ALDOB: variants seen among roughly 807,000 people sequenced by gnomAD.
The protein encoded by ALDOB is fructose-bisphosphate aldolase B.
A neutral mutation model predicts 41.0 loss-of-function variants in ALDOB; 39 were observed. That is an observed-to-expected ratio of 0.95 (90% CI 0.74 to 1.24). ALDOB has a LOEUF of 1.24. Ranked by LOEUF, ALDOB falls within the 50% of genes most tolerant of loss-of-function variation. The probability of loss-of-function intolerance (pLI) is 0.00; values close to 1 mark genes in which losing one functional copy is unlikely to be tolerated. For missense variants in ALDOB, 530 were observed against 457.3 expected, an observed-to-expected ratio of 1.16 and a Z score of -1.45; for synonymous variants, 175 against 168.8, an observed-to-expected ratio of 1.04 and a Z score of -0.28.
chr9:101,421,919 T>G lies in ALDOB; in HGVS notation c.1000-15A>C, dbSNP rs780566660. On this transcript the variant is annotated splice_polypyrimidine_tract_variant and intron_variant, in intron 8 of 8. Coordinates refer to ENST00000647789, the MANE Select transcript of ALDOB (RefSeq NM_000035.4). ...TGGCAGTTAGCCTAGAAGACAAATA[T>G]GAGAGAGGAGACTGGTTAGAGTAAA... 4 of 1,609,580 alleles carry G rather than the reference T, an allele frequency of 2.5e-6. No homozygotes were observed. Among genetic ancestry groups the G allele is most frequent in the Non-Finnish European group, 3.4e-6 (4 of 1,176,580 alleles).
intron 1 of ALDOB, among the ~76,000 whole-genome samples, chr9:101,434,395 C>A (rs1234362027): frequency 1.3e-5 from 2 of 152,176 alleles, no homozygotes; most frequent in Middle Eastern, 6.3e-3. Context: ...GTTCTTTCTG[C>A]CTTCCTTGAA....
rs2118341906 is a variant in ALDOB at position 101,424,871 on chromosome 9, G to A, written c.971C>T (p.Thr324Ile). 6.2e-7 allele frequency: 1 copy of A among 1,613,524 alleles called. No individual in the cohort carries two copies. The highest frequency in any genetic ancestry group is 1.1e-5 in the South Asian group (1 of 91,044). Residue 324 changes from threonine (T) to isoleucine (I), a missense_variant, in exon 8 of 9, where the codon ACC becomes ATC. By Grantham distance (89) the Thr-to-Ile change is moderately conservative. Transcript: ENST00000647789. Reference protein sequence around the residue: ...WGGKAANKEATQEAFMKRAMA... With the variant: ...WGGKAANKEAIQEAFMKRAMA... ...GGCCCGCTTCATAAAAGCCTCCTGG[G>A]TTGCCTCCTTGTTTGCAGCCTTGCC... is the stretch of plus-strand genomic sequence containing the variant.
chr9:101,434,704 G>A (rs1294325190), intron 1 of ALDOB, among the ~76,000 whole-genome samples: 2 of 152,284 alleles, frequency 1.3e-5, no homozygotes, highest in East Asian at 1.9e-4. Context: ...TTTAACACAC[G>A]CGGAGCAGCC....
In ALDOB at chr9:101,430,000, C is replaced by A. The variant is rs184727997; in HGVS notation, c.113-34G>T. 5.1e-5 allele frequency: 81 copies of A among 1,578,550 alleles called. No individual in the cohort carries two copies. In the Middle Eastern group the frequency reaches 7.5e-4, roughly 15 times the overall value. ...GGAGGGCCAAGGGCAGCATAAGGAGCAAGCCAGGGCTTTCCTGTCACCCTT... is the reference window on the plus strand; with the variant it reads ...GGAGGGCCAAGGGCAGCATAAGGAGAAAGCCAGGGCTTTCCTGTCACCCTT... On this transcript the variant is annotated intron_variant, in intron 2 of 8. Transcript: ENST00000647789.
intron 4 of ALDOB, among the ~76,000 whole-genome samples, 190 bp from the exon 5 acceptor site, chr9:101,427,832 T>C (rs1242100799): frequency 6.6e-6 from 1 of 152,150 alleles, no homozygotes; most frequent in African/African-American, 2.4e-5. Context: ...AAATAGTGTT[T>C]TGACATACAT....
rs1311015483 is a variant in ALDOB at position 101,421,584 on chromosome 9, G to T, written c.*225C>A. 3.4e-6 allele frequency: 2 copies of T among 596,250 alleles called. No homozygotes were observed. Among genetic ancestry groups the T allele is most frequent in the Non-Finnish European group, 6.1e-6 (2 of 326,416 alleles). The allele number at this position is 596,250 out of a possible 1,614,324, so 36.9% of individuals were successfully genotyped here. ...TATTCTGGAGCATGGGGAGCTGAAA[G>T]TGTTGCAAGGAAACTGCTGTGTGAA... On this transcript the variant is annotated 3_prime_UTR_variant, in exon 9 of 9. Coordinates refer to ENST00000647789, the MANE Select transcript of ALDOB (RefSeq NM_000035.4).
chr9:101,425,066 C>T (rs1241587681), intron 7 of ALDOB, 24 bp from the exon 8 acceptor site: 2 of 1,612,726 alleles, frequency 1.2e-6, no homozygotes, highest in African/African-American at 1.3e-5. Flanking sequence ...AGCCATTTCA[C>T]TCTATTAGTC....
intron 8 of ALDOB, 96 bp downstream of exon 8, chr9:101,424,747 C>A (rs1831096929): frequency 1.4e-6 from 2 of 1,440,760 alleles, no homozygotes; most frequent in Non-Finnish European, 2.0e-6. Context: ...TCGGTAGATA[C>A]CTTCTTGGCC....
At chr9:101,426,730 T>C (rs772856934) in intron 5 of ALDOB, 92 bp from the exon 6 acceptor site, 3 of 814,874 alleles carry the variant, frequency 3.7e-6, no homozygotes, top group Non-Finnish European at 6.5e-6. Context: ...TTGGTATAAA[T>C]TGAAGCCATT....
chr9:101,428,484 CTTTG>C lies in ALDOB; in HGVS notation c.360_363del (p.Asn120LysfsTer32), dbSNP rs387906225. On this transcript the variant is annotated frameshift_variant, in exon 4 of 9. Coordinates refer to ENST00000647789, the MANE Select transcript of ALDOB (RefSeq NM_000035.4). LOFTEE classifies it high-confidence loss of function. ...ATATCCTTACCTTGAATGGTGGTTT[CTTTG>C]TTTGTTCCTGCAAGAGGAGCACCTC... is the stretch of plus-strand genomic sequence containing the variant. The C allele has an allele frequency of 7.2e-5, 117 of 1,613,942 alleles. No homozygotes were observed. The highest frequency in any genetic ancestry group is 1.6e-4 in the Middle Eastern group (1 of 6,062).
chr9:101,425,416 G>C (rs978401483), intron 7 of ALDOB, 37 bp downstream of exon 7: 1 of 1,609,880 alleles, frequency 6.2e-7, no homozygotes, highest in Non-Finnish European at 8.5e-7. Context: ...AAGAATGAGG[G>C]CTAAGACCTT....
rs868556583 is a variant in ALDOB, at chr9:101,421,707, G to A, written c.*102C>T. On this transcript the variant is annotated 3_prime_UTR_variant, in exon 9 of 9. Coordinates refer to ENST00000647789, the MANE Select transcript of ALDOB (RefSeq NM_000035.4). ...TTTAACATGTGTTGTATTTCCAGCA[G>A]TTCAAATCTAATTGTGTCGAATTTC... 3.3e-6 allele frequency: 3 copies of A among 898,854 alleles called. No individual in the cohort carries two copies. Among genetic ancestry groups the A allele is most frequent in the Middle Eastern group, 2.1e-4 (1 of 4,692 alleles). 55.7% of individuals were successfully genotyped at this position (898,854 alleles called of 1,614,324 possible).
At chr9:101,429,659 TGAG>T (rs771822240) in intron 3 of ALDOB, 93 bp downstream of exon 3, 9 of 1,131,362 alleles carry the variant, frequency 8.0e-6, no homozygotes, top group East Asian at 4.7e-5. Flanking sequence ...AGAAATTTGA[TGAG>T]GAGAATGTTC....
At chr9:101,424,700 C>T in intron 8 of ALDOB, 143 bp downstream of exon 8, 3 of 958,382 alleles carry the variant, frequency 3.1e-6, no homozygotes, top group Non-Finnish European at 5.0e-6. Context: ...TCATACTGAC[C>T]TCTACTGCCA....
chr9:101,427,999 C>A (rs1042671776), intron 4 of ALDOB, among the ~76,000 whole-genome samples: 12 of 152,064 alleles, frequency 7.9e-5, no homozygotes, highest in Admixed American at 6.6e-4. Flanking sequence ...CTTAGCTAAC[C>A]CAATGTTGTG....
At chr9:101,428,920 A>C (rs1432803623) in intron 3 of ALDOB, among the ~76,000 whole-genome samples, 1 of 152,204 alleles carries the variant, frequency 6.6e-6, no homozygotes, top group Non-Finnish European at 1.5e-5. Flanking sequence ...TCTCTAAATA[A>C]GGGTAATAAT....
At chr9:101,432,512 G>A (rs1831233193) in intron 1 of ALDOB, among the ~76,000 whole-genome samples, 1 of 152,148 alleles carries the variant, frequency 6.6e-6, no homozygotes, top group African/African-American at 2.4e-5. Flanking sequence ...TTGTACAAAG[G>A]AGTTGACAAT....
chr9:101,429,526 A>G (rs1008532921), intron 3 of ALDOB, among the ~76,000 whole-genome samples: 2 of 152,156 alleles, frequency 1.3e-5, no homozygotes, highest in Non-Finnish European at 2.9e-5. Context: ...AAGAAATGAG[A>G]TTGAGATGCA....
chr9:101,430,061 A>C, intron 2 of ALDOB, 95 bp from the exon 3 acceptor site: 1 of 1,108,180 alleles, frequency 9.0e-7, no homozygotes, highest in East Asian at 2.4e-5. Context: ...CCACAGTGGA[A>C]AGCAAGACTT....
Sources: allele counts gnomAD v4.1 joint callset (sites outside exome capture counted in the v4.1 genomes callset), GRCh38; gene constraint gnomAD v4.1.1; transcripts MANE v1.5; gene names NCBI Gene and HGNC (gene_info 2026-07-23, HGNC 2026-07-21).